Variants in IGFN1 observed in about 807,000 individuals in gnomAD.
The protein encoded by IGFN1 is immunoglobulin-like and fibronectin type III domain-containing protein 1.
A neutral mutation model predicts 289.5 loss-of-function variants in IGFN1; 253 were observed. The ratio of observed to expected loss-of-function variants is 0.87; its 90% CI spans 0.79 to 0.97. IGFN1 has a LOEUF of 0.97. Ranked by LOEUF, IGFN1 falls within the 50% of genes least tolerant of loss-of-function variation. The pLI is 0.00. For missense variants in IGFN1, 4,470 were observed against 4,686.1 expected (o/e 0.95, Z 1.35); for synonymous variants, 1,706 against 1,788.5 (o/e 0.95, Z 1.16).
In IGFN1 at chr1:201,211,256, G is replaced by A. The variant is rs1159976309; in HGVS notation, c.6363G>A (p.Lys2121=). Residue 2121 remains lysine, a synonymous_variant, in exon 12 of 24, where the codon AAG becomes AAA. Coordinates refer to ENST00000335211, the MANE Select transcript of IGFN1 (RefSeq NM_001164586.2). ...CTGAGGGAATAGGTTCAGGAAGTAA[G>A]GCAGGTTTTAGGGATGGTTTAGGGA... ...GAPEGIGSGS[K]AGFRDGLGSS... is the part of the protein sequence containing the mutation. 2.5e-5 allele frequency: 39 copies of A among 1,531,576 alleles called. No individual in the cohort carries two copies. Among genetic ancestry groups the A allele is most frequent in the Non-Finnish European group, 3.2e-5 (37 of 1,144,050 alleles). The allele number at this position is 1,531,576 out of a possible 1,614,324, so 94.9% of individuals were successfully genotyped here.
rs1667904223 is a variant in IGFN1, at chr1:201,213,048, A to G, written c.8155A>G (p.Thr2719Ala). ...DSGILGKGNSTEWGNALTPKP... is the reference protein window; with the variant it reads ...DSGILGKGNSAEWGNALTPKP... ...AGGTATCCTGGGCAAGGGGAATTCT[A>G]CTGAGTGGGGGAATGCCCTCACCCC... The change falls in exon 12 of 24, where the codon ACT becomes GCT. Residue 2719 changes from threonine to alanine, a missense_variant. Thr to Ala is a moderately conservative substitution (Grantham distance 58). Coordinates refer to ENST00000335211, the MANE Select transcript of IGFN1 (RefSeq NM_001164586.2). The G allele has an allele frequency of 1.3e-6, 2 of 1,551,596 alleles. No homozygotes were observed. The highest frequency in any genetic ancestry group is 4.9e-5 in the East Asian group (2 of 40,908).
rs568445190 is a variant in IGFN1 at position 201,217,306 on chromosome 1, C to T, written c.9615C>T (p.Ser3205=). ...VAPEALPKAP[S]APAILSASSQ... ...CCCCAGCTCTCCCCAAGGCCCCTTC[C>T]GCGCCAGCCATCCTGTCGGCCTCCA... The change falls in exon 17 of 24, where the codon TCC becomes TCT. Residue 3205 remains serine (S), a synonymous_variant. Transcript: ENST00000335211. The T allele has an allele frequency of 2.0e-5, 33 of 1,613,974 alleles. No homozygotes were observed. The highest frequency in any genetic ancestry group is 1.1e-4 in the South Asian group (10 of 91,068).
chr1:201,224,999 T>G (rs1044648737), intron 21 of IGFN1, 125 bp downstream of exon 21: 1 of 634,812 alleles, frequency 1.6e-6, no homozygotes, highest in East Asian at 3.1e-5. Context: ...AAGTGACCAT[T>G]CTCCACCTTT....
intron 5 of IGFN1, among the ~76,000 whole-genome samples, chr1:201,198,668 C>T (rs1226048543): frequency 1.3e-5 from 2 of 151,996 alleles, no homozygotes; most frequent in African/African-American, 4.8e-5. Flanking sequence ...CTCAAGCTAT[C>T]CTCCCCCCTC....
chr1:201,216,402 C>T, intron 15 of IGFN1, 52 bp from the exon 16 acceptor site: 3 of 1,442,586 alleles, frequency 2.1e-6, no homozygotes, highest in South Asian at 1.4e-5. Context: ...GCGCTGCTCC[C>T]CTCCAGCTCC....
In IGFN1 at chr1:201,226,869, G is replaced by T. The variant is rs1408270927; in HGVS notation, c.10787-13G>T. On this transcript the variant is annotated splice_polypyrimidine_tract_variant and intron_variant, in intron 22 of 23. Transcript: ENST00000335211. The stretch of plus-strand genomic sequence containing the variant: ...TTTCTCACCCTCTTCTCTCACCCCG[G>T]CTTTCACCACAGACAGGTTCACAGT... 1.3e-6 allele frequency: 2 copies of T among 1,554,204 alleles called. No homozygotes were observed. The highest frequency in any genetic ancestry group is 2.7e-5 in the African/African-American group (2 of 73,242).
At chr1:201,194,119 G>A in intron 2 of IGFN1, 35 bp from the exon 3 acceptor site, 1 of 1,549,028 alleles carries the variant, frequency 6.5e-7, no homozygotes, top group Non-Finnish European at 8.7e-7. Context: ...GAAGAAGGTG[G>A]AAGGCCCCAT....
Position 201,193,711 on chromosome 1 carries a change from G to A in IGFN1, c.7+411G>A, listed in dbSNP as rs1002176609. Among the ~76,000 whole-genome samples the A allele has an allele frequency of 9.2e-5, 14 of 152,200 alleles. 1 individual carries two copies. In the East Asian group the frequency reaches 1.5e-3, roughly 17 times the overall value. ...AGGTGATCTGCCCACCTCGGCCTCC[G>A]AAAGTGCTGGGATTACTGGCGTAAG... On this transcript the variant is annotated intron_variant, in intron 2 of 23. Transcript: ENST00000335211.
At position 201,205,112 on chromosome 1, in the gene IGFN1, C is replaced by T. The variant is rs781592987; in HGVS notation, c.947C>T (p.Ala316Val). The T allele has an allele frequency of 1.6e-5, 25 of 1,549,890 alleles. No homozygotes were observed. The highest frequency in any genetic ancestry group is 5.9e-5 in the Admixed American group (3 of 50,926). ...CCCCCAAGAGTGGTGGTCCCACTGG[C>T]GGAGACCCACTGTGAGGAGCAGGGT... ...AIPPRVVVPL[A>V]ETHCEEQGDA... Residue 316 changes from alanine to valine, a missense_variant, in exon 11 of 24, where the codon GCG becomes GTG. By Grantham distance (64) the Ala-to-Val change is moderately conservative. Transcript: ENST00000335211.
At position 201,195,969 on chromosome 1, in the gene IGFN1, C is replaced by T. The variant is rs753162038; in HGVS notation, c.258C>T (p.His86=). The change falls in exon 4 of 24, where the codon CAC becomes CAT. Residue 86 remains histidine, a synonymous_variant. Transcript: ENST00000335211. ...KISSSPGSKE[H]VLQINKLTGE... is the part of the protein sequence containing the mutation. ...CCTCCAGCCCTGGCAGCAAGGAGCACGTGCTGCAGGTAAGAACCGTAGCTC... is the reference window on the plus strand; with the variant it reads ...CCTCCAGCCCTGGCAGCAAGGAGCATGTGCTGCAGGTAAGAACCGTAGCTC... The T allele has an allele frequency of 1.2e-5, 19 of 1,551,672 alleles. No individual in the cohort carries two copies. The highest frequency in any genetic ancestry group is 5.9e-5 in the South Asian group (5 of 84,058).
intron 7 of IGFN1, 102 bp downstream of exon 7, chr1:201,199,756 C>CGG: frequency 1.0e-6 from 1 of 988,052 alleles, no homozygotes; most frequent in Non-Finnish European, 1.5e-6. Context: ...CTCTACCCAA[C>CGG]ACAGCAGGGA....
In IGFN1 at chr1:201,212,914, G is replaced by C; in HGVS notation, c.8021G>C (p.Gly2674Ala). 1 of 1,551,528 alleles carries C rather than the reference G, an allele frequency of 6.4e-7. No individual in the cohort carries two copies. Among genetic ancestry groups the C allele is most frequent in the East Asian group, 2.4e-5 (1 of 40,912 alleles). ...GAAGGGCCAGGGGGCTTTAAGGGTG[G>C]GGAGGGTGCACCAGGCCAAGAGGCG... ...THEGPGGFKG[G>A]EGAPGQEAAG... is the part of the protein sequence containing the mutation. Residue 2674 changes from glycine (G) to alanine (A), a missense_variant, in exon 12 of 24, where the codon GGG becomes GCG. Coordinates refer to ENST00000335211, the MANE Select transcript of IGFN1 (RefSeq NM_001164586.2).
rs193056516 is a variant in IGFN1, at chr1:201,209,317, A to C, written c.4424A>C (p.Lys1475Thr). The C allele has an allele frequency of 6.7e-7, 1 of 1,482,886 alleles. No individual in the cohort carries two copies. Among genetic ancestry groups the C allele is most frequent in the African/African-American group, 1.4e-5 (1 of 70,584 alleles). 91.9% of individuals were successfully genotyped at this position (1,482,886 alleles called of 1,614,324 possible). A position where few individuals can be genotyped will look rare whatever the true frequency, so the allele number is the denominator to read the frequency against. ...CCTGAGAGAATGGATTCAGGGAGCA[A>C]GGCAGGTTACAGGGGTGGTTTAAGG... ...GAPERMDSGS[K>T]AGYRGGLRGS... The change falls in exon 12 of 24, where the codon AAG becomes ACG. Residue 1475 changes from lysine to threonine, a missense_variant. By Grantham distance (78) the Lys-to-Thr change is moderately conservative. Transcript: ENST00000335211.
At chr1:201,205,431 C>G in intron 11 of IGFN1, 77 bp downstream of exon 11, 1 of 1,390,650 alleles carries the variant, frequency 7.2e-7, no homozygotes, top group Non-Finnish European at 9.6e-7. Context: ...GAAGGCGAGG[C>G]AGTGGGATTT....
intron 14 of IGFN1, 52 bp from the exon 15 acceptor site, chr1:201,215,487 C>G: frequency 6.9e-7 from 1 of 1,459,338 alleles, no homozygotes. Context: ...TTTCTATATT[C>G]CCCAGGTGCC....
chr1:201,217,402 C>T lies in IGFN1; in HGVS notation c.9711C>T (p.Ile3237=), dbSNP rs139670910. The part of the protein sequence containing the change: ...PGSAHILGYL[I]ERRKKGSNTW... ...GCGCCCACATCCTGGGCTACCTGATCGAGAGGCGTAAGAAGGGGAGCAACA... is the reference window on the plus strand; with the variant it reads ...GCGCCCACATCCTGGGCTACCTGATTGAGAGGCGTAAGAAGGGGAGCAACA... Residue 3237 remains isoleucine, a synonymous_variant, in exon 17 of 24, where the codon ATC becomes ATT. Coordinates refer to ENST00000335211, the MANE Select transcript of IGFN1 (RefSeq NM_001164586.2). The T allele has an allele frequency of 8.9e-5, 144 of 1,614,056 alleles. No homozygotes were observed. The African/African-American group carries it at 1.1e-3, about 12-fold the overall frequency.
chr1:201,204,885 T>C (rs949494971), intron 10 of IGFN1, among the ~76,000 whole-genome samples, 197 bp from the exon 11 acceptor site: 2 of 152,208 alleles, frequency 1.3e-5, no homozygotes, highest in Non-Finnish European at 2.9e-5. Context: ...ATAAGCCTCA[T>C]TGCTCATAAC....
rs1667921116 is a variant in IGFN1 at position 201,213,224 on chromosome 1, G to C, written c.8331G>C (p.Glu2777Asp). Residue 2777 changes from glutamate to aspartate, a missense_variant, in exon 12 of 24, where the codon GAG becomes GAC. Coordinates refer to ENST00000335211, the MANE Select transcript of IGFN1 (RefSeq NM_001164586.2). ...GAGGAGGAAAGAGGTCCCTCGGGGA[G>C]CAGGGGTCCCTGGAGGCTGAGAATG... ...GQRGGKRSLG[E>D]QGSLEAENGE... 1 of 1,551,588 alleles carries C rather than the reference G, an allele frequency of 6.4e-7. No homozygotes were observed. Among genetic ancestry groups the C allele is most frequent in the Admixed American group, 2.0e-5 (1 of 50,978 alleles).
intron 19 of IGFN1, 194 bp from the exon 20 acceptor site, chr1:201,222,545 T>A: frequency 2.1e-6 from 1 of 473,878 alleles, no homozygotes; most frequent in Non-Finnish European, 3.8e-6. Flanking sequence ...CATCTCCCCA[T>A]CAGCCCCTGG....
Sources: gnomAD v4.1 joint callset for allele counts (sites outside exome capture counted in the v4.1 genomes callset) on GRCh38, gnomAD v4.1.1 for gene constraint, MANE v1.5 for transcripts, NCBI Gene and HGNC (gene_info 2026-07-23, HGNC 2026-07-21) for gene names.